ODF2: variants seen among roughly 807,000 people sequenced by gnomAD.
ODF2 encodes outer dense fiber of sperm tails 2.
ODF2 carries 47 observed loss-of-function variants against 110.2 expected under a neutral mutation model. The observed-to-expected ratio is 0.43, with a 90% CI of 0.34 to 0.54. The LOEUF (loss-of-function observed/expected upper bound fraction) is 0.54, where lower values mean the gene tolerates loss of function less well. Ranked by LOEUF, ODF2 falls within the 20% of genes least tolerant of loss-of-function variation. The probability of loss-of-function intolerance (pLI) is 0.03; values close to 1 mark genes in which losing one functional copy is unlikely to be tolerated. For synonymous variants in ODF2, 352 were observed against 397.7 expected (o/e 0.89, Z 1.37); for missense variants, 812 against 1,054.5 (o/e 0.77, Z 3.19).
intron 19 of ODF2, 139 bp downstream of exon 19, chr9:128,498,714 G>A (rs1287696365): frequency 1.1e-5 from 7 of 649,472 alleles, no homozygotes; most frequent in Non-Finnish European, 1.9e-5. Flanking sequence ...CATTTTCATC[G>A]TAGAGGGCTC....
At chr9:128,498,135 A>C (rs1845974365) in intron 18 of ODF2, 1 of 281,192 alleles carries the variant, frequency 3.6e-6, no homozygotes, top group African/African-American at 2.2e-5. Context: ...TCTGAGCTGC[A>C]AGTTGCTGTG....
At position 128,468,876 on chromosome 9, in the gene ODF2, G is replaced by A. The variant is rs914747552; in HGVS notation, c.250-307G>A. ...AAGGTCTCGCTATGTTGCTGAGGCT[G>A]GTTTTGGCTTCCCGCCTCGGCCTCC... On this transcript the variant is annotated intron_variant, in intron 4 of 20. Coordinates refer to ENST00000604420, the Ensembl canonical transcript of ODF2. The A allele has an allele frequency of 3.8e-5, 11 of 287,774 alleles. No homozygotes were observed. In the Admixed American group the frequency reaches 5.7e-4, roughly 15 times the overall value. 17.8% of individuals were successfully genotyped at this position (287,774 alleles called of 1,614,324 possible). A position where few individuals can be genotyped will look rare whatever the true frequency, so the allele number is the denominator to read the frequency against.
At chr9:128,456,377 G>A (rs984144958) in intron 1 of ODF2, 122 bp downstream of exon 1, 4 of 1,427,754 alleles carry the variant, frequency 2.8e-6, no homozygotes, top group Non-Finnish European at 2.7e-6. Flanking sequence ...TCCCCGCCGC[G>A]TTGCGCTCGT....
chr9:128,457,046 C>T (rs1835056172), intron 1 of ODF2: 3 of 1,291,102 alleles, frequency 2.3e-6, no homozygotes, highest in Non-Finnish European at 3.0e-6. Flanking sequence ...CGTCCGCCGG[C>T]GCCTCAGGTT....
At chr9:128,474,547 G>A (rs1377097509) in intron 8 of ODF2, among the ~76,000 whole-genome samples, 1 of 151,932 alleles carries the variant, frequency 6.6e-6, no homozygotes, top group Non-Finnish European at 1.5e-5. Flanking sequence ...AGTAATCTCA[G>A]CTCCTCAGGA....
chr9:128,455,295 T>A (rs1177219781), upstream of ODF2: 1 of 1,445,684 alleles, frequency 6.9e-7, no homozygotes, highest in Non-Finnish European at 9.4e-7. Context: ...CTCAAGCCTG[T>A]AATACAAGCA....
chr9:128,465,461 A>C (rs1293126369), intron 4 of ODF2, among the ~76,000 whole-genome samples: 1 of 151,852 alleles, frequency 6.6e-6, no homozygotes, highest in Non-Finnish European at 1.5e-5. Context: ...AAAAGTGATC[A>C]GCCGGGCGCG....
exon 12 of ODF2, chr9:128,484,775 G>A: frequency 6.2e-7 from 1 of 1,611,578 alleles, no homozygotes; most frequent in Non-Finnish European, 8.5e-7. Flanking sequence ...AGTTGAAGCA[G>A]AAGGGAGACC....
intron 4 of ODF2, among the ~76,000 whole-genome samples, chr9:128,461,945 A>G (rs1020169320): frequency 6.6e-6 from 1 of 152,216 alleles, no homozygotes; most frequent in Non-Finnish European, 1.5e-5. Context: ...TCTGACCAGT[A>G]CAATAAATTA....
chr9:128,471,608 CAATT>C (rs1364173925), intron 6 of ODF2, 140 bp downstream of exon 6: 1 of 676,986 alleles, frequency 1.5e-6, no homozygotes, highest in Non-Finnish European at 2.5e-6. Context: ...AACAGTCACA[CAATT>C]AATTACAGTT....
At chr9:128,466,945 C>A (rs1398791198) in intron 4 of ODF2, among the ~76,000 whole-genome samples, 1 of 125,316 alleles carries the variant, frequency 8.0e-6, no homozygotes, top group African/African-American at 3.0e-5. Context: ...CCACTGCACT[C>A]CAGCCTGGGT....
intron 17 of ODF2, among the ~76,000 whole-genome samples, chr9:128,495,652 T>A (rs932876904): frequency 1.3e-5 from 2 of 152,170 alleles, no homozygotes; most frequent in Non-Finnish European, 2.9e-5. Context: ...TAAGAGGAGG[T>A]TGAGATCAAT....
chr9:128,496,559 G>A (rs1845591101), intron 18 of ODF2, among the ~76,000 whole-genome samples: 2 of 152,248 alleles, frequency 1.3e-5, no homozygotes, highest in Non-Finnish European at 2.9e-5. Context: ...ACGGATTGTT[G>A]GAGGCAGTCA....
intron 1 of ODF2, chr9:128,456,524 C>G: frequency 6.5e-7 from 1 of 1,527,016 alleles, no homozygotes; most frequent in Non-Finnish European, 8.7e-7. Flanking sequence ...CGCCCGCGGG[C>G]AGGGCTTCAC....
At chr9:128,495,190 G>A (rs966305522) in intron 17 of ODF2, among the ~76,000 whole-genome samples, 8 of 152,224 alleles carry the variant, frequency 5.3e-5, no homozygotes, top group South Asian at 2.1e-4. Flanking sequence ...CATTTGCAGC[G>A]TGACCTTGGG....
chr9:128,500,366 A>C (rs1846333684), exon 21 of ODF2: 1 of 1,064,200 alleles, frequency 9.4e-7, no homozygotes, highest in South Asian at 1.5e-5. Flanking sequence ...AAATGGGTTC[A>C]GGGTCTTGTC....
rs561867293 is a variant in ODF2, at chr9:128,497,003, C to T, written c.2012+862C>T. Among the ~76,000 whole-genome samples the T allele has an allele frequency of 2.0e-4, 31 of 152,212 alleles. No individual in the cohort carries two copies. In the South Asian group the frequency reaches 5.6e-3, roughly 27 times the overall value. On this transcript the variant is annotated intron_variant, in intron 18 of 20. Coordinates refer to ENST00000604420, the Ensembl canonical transcript of ODF2. ...TAGGCCTCCTAGAGTGCTGGGAGTA[C>T]AGGCGGGAGCCACCACACCTGGCTG...
intron 4 of ODF2, among the ~76,000 whole-genome samples, chr9:128,468,241 T>C (rs1205629151): frequency 1.3e-5 from 2 of 152,328 alleles, no homozygotes; most frequent in African/African-American, 2.4e-5. Flanking sequence ...GCTATTCATA[T>C]TCATTTAAAA....
At chr9:128,459,039 C>T (rs1425343912) in intron 2 of ODF2, among the ~76,000 whole-genome samples, 1 of 152,040 alleles carries the variant, frequency 6.6e-6, no homozygotes, top group Non-Finnish European at 1.5e-5. Flanking sequence ...GAGATGGGGT[C>T]TTGCCATGTT....
Sources: gnomAD v4.1 joint callset for allele counts (sites outside exome capture counted in the v4.1 genomes callset) on GRCh38, gnomAD v4.1.1 for gene constraint, MANE v1.5 for transcripts, NCBI Gene and HGNC (gene_info 2026-07-23, HGNC 2026-07-21) for gene names.